NSRP1: variants seen among roughly 807,000 people sequenced by gnomAD.
NSRP1 encodes the protein coiled-coil domain containing 55.
In NSRP1, 24 loss-of-function variants were observed where a neutral mutation model predicts 54.7. That is an observed-to-expected ratio of 0.44 (90% CI 0.32 to 0.62). The LOEUF (loss-of-function observed/expected upper bound fraction) is 0.62, where lower values mean the gene tolerates loss of function less well. Ranked by LOEUF, NSRP1 falls within the 20% of genes least tolerant of loss-of-function variation. NSRP1 has a pLI of 0.06. For synonymous variants in NSRP1, 210 were observed against 213.8 expected, an observed-to-expected ratio of 0.98 and a Z score of 0.15; for missense variants, 596 against 651.2, an observed-to-expected ratio of 0.92 and a Z score of 0.92.
chr17:30,123,394 G>A (rs2071621621), intron 2 of NSRP1, among the ~76,000 whole-genome samples: 1 of 152,218 alleles, frequency 6.6e-6, no homozygotes, highest in Non-Finnish European at 1.5e-5. Flanking sequence ...GGGATTACAG[G>A]CATGAGCCAC....
intron 2 of NSRP1, among the ~76,000 whole-genome samples, chr17:30,139,851 T>C (rs923692701): frequency 6.6e-6 from 1 of 152,084 alleles, no homozygotes; most frequent in Non-Finnish European, 1.5e-5. Context: ...AGTGAAACCC[T>C]GTCTCTACTA....
intron 2 of NSRP1, among the ~76,000 whole-genome samples, chr17:30,129,728 A>C (rs1303972354): frequency 1.3e-5 from 2 of 152,172 alleles, no homozygotes; most frequent in Non-Finnish European, 2.9e-5. Flanking sequence ...CATCAGTTTT[A>C]ATCAGATAAT....
intron 2 of NSRP1, among the ~76,000 whole-genome samples, chr17:30,140,129 C>G (rs1356106821): frequency 6.6e-6 from 1 of 152,140 alleles, no homozygotes; most frequent in Non-Finnish European, 1.5e-5. Flanking sequence ...AGAGCACATA[C>G]GAGAATCCAG....
At chr17:30,177,202 C>G (rs1307762711) in intron 3 of NSRP1, among the ~76,000 whole-genome samples, 1 of 151,854 alleles carries the variant, frequency 6.6e-6, no homozygotes, top group African/African-American at 2.4e-5. Context: ...GAAACTCTGT[C>G]TCTACAAAAC....
Position 30,185,473 on chromosome 17 carries a change from T to G in NSRP1, c.1476T>G (p.Ser492=). ...GAAACCAAGAGAAACCCTCTAATTC[T>G]GAATCATCACTGGGAGCAAAACACA... is the stretch of plus-strand genomic sequence containing the variant. The part of the protein sequence containing the change: ...KERNQEKPSN[S]ESSLGAKHRL... The change falls in exon 7 of 7, where the codon TCT becomes TCG. Residue 492 remains serine, a synonymous_variant. Transcript: ENST00000247026. The G allele has an allele frequency of 6.2e-7, 1 of 1,612,094 alleles. No individual in the cohort carries two copies. Among genetic ancestry groups the G allele is most frequent in the Non-Finnish European group, 8.5e-7 (1 of 1,179,574 alleles).
At chr17:30,176,221 CTTTA>C in intron 3 of NSRP1, among the ~76,000 whole-genome samples, 1 of 151,946 alleles carries the variant, frequency 6.6e-6, no homozygotes, top group East Asian at 1.9e-4. Flanking sequence ...TCAATTTTTG[CTTTA>C]TTTATGTTGC....
chr17:30,141,257 AT>A (rs2071802873), intron 2 of NSRP1, among the ~76,000 whole-genome samples: 1 of 152,120 alleles, frequency 6.6e-6, no homozygotes, highest in Non-Finnish European at 1.5e-5. Flanking sequence ...TTTCTAAGAA[AT>A]TTATTAATAG....
intron 2 of NSRP1, among the ~76,000 whole-genome samples, chr17:30,170,353 T>C (rs1275273061): frequency 6.6e-6 from 1 of 152,206 alleles, no homozygotes; most frequent in Non-Finnish European, 1.5e-5. Flanking sequence ...TCATTTAGCA[T>C]GAATACCATA....
chr17:30,122,371 ATATATATATATATATTTTTTTTTTTTTT>A (rs2071608636), intron 2 of NSRP1: 2 of 26,928 alleles, frequency 7.4e-5, no homozygotes, highest in Non-Finnish European at 2.0e-4. Context: ...ATATATATAT[ATATATATATATATATTTTTTTTTTTTTT>A]TTTTTTTTTT....
intron 6 of NSRP1, among the ~76,000 whole-genome samples, chr17:30,181,398 C>CTTTTTTTT (rs61484398): frequency 2.5e-5 from 3 of 121,900 alleles, no homozygotes; most frequent in Non-Finnish European, 5.1e-5. Flanking sequence ...TTTCTTTTTT[C>CTTTTTTTT]TTTTTTTTTT....
Position 30,133,641 on chromosome 17 carries a change from A to G in NSRP1, c.114+15468A>G, listed in dbSNP as rs188737263. ...GCGTTGACTTCTCTTGGGCTTTGAAAGTCCTAGATGGCATCTTCTTCCAAT... is the reference window on the plus strand; with the variant it reads ...GCGTTGACTTCTCTTGGGCTTTGAAGGTCCTAGATGGCATCTTCTTCCAAT... On this transcript the variant is annotated intron_variant, in intron 2 of 6. Coordinates refer to ENST00000247026, the MANE Select transcript of NSRP1 (RefSeq NM_032141.4). Among the ~76,000 whole-genome samples, 153 of 152,328 alleles carry G rather than the reference A, an allele frequency of 1.0e-3. 2 individuals are homozygous for G. In the Middle Eastern group the frequency reaches 0.01, roughly 10 times the overall value.
chr17:30,165,569 C>G (rs934462090), intron 2 of NSRP1, among the ~76,000 whole-genome samples: 3 of 152,214 alleles, frequency 2.0e-5, no homozygotes, highest in Non-Finnish European at 4.4e-5. Flanking sequence ...GTCCTTGTAT[C>G]TTGCCATTTG....
chr17:30,180,215 CGT>C (rs1905250267), intron 5 of NSRP1, among the ~76,000 whole-genome samples: 1 of 152,046 alleles, frequency 6.6e-6, no homozygotes, highest in African/African-American at 2.4e-5. Flanking sequence ...GGAGTGCAGT[CGT>C]ATGATCTTGG....
intron 2 of NSRP1, among the ~76,000 whole-genome samples, chr17:30,155,885 G>C (rs2071957226): frequency 6.6e-6 from 1 of 151,618 alleles, no homozygotes; most frequent in South Asian, 2.1e-4. Context: ...TGTCACCCAG[G>C]CTGGAGTGCA....
At chr17:30,153,178 A>T (rs2071930412) in intron 2 of NSRP1, among the ~76,000 whole-genome samples, 1 of 151,894 alleles carries the variant, frequency 6.6e-6, no homozygotes, top group South Asian at 2.1e-4. Flanking sequence ...CAGCTTCCCA[A>T]AGTGCTGGGA....
chr17:30,181,012 GC>G lies in NSRP1; in HGVS notation c.615del (p.Arg206AspfsTer4). On this transcript the variant is annotated frameshift_variant, in exon 6 of 7. Transcript: ENST00000247026. LOFTEE classifies it low-confidence loss of function (END_TRUNC). ...AGTACCTAAATGCAGCTTTCGTGAA[GC>G]CAGGTGAGGAGACGTGTATGAAATA... ...EEVPKCSFRE[A>X]RSGIKEEKSR... 1 of 1,577,830 alleles carries G rather than the reference GC, an allele frequency of 6.3e-7. No individual in the cohort carries two copies. The highest frequency in any genetic ancestry group is 8.7e-7 in the Non-Finnish European group (1 of 1,147,100).
intron 2 of NSRP1, among the ~76,000 whole-genome samples, chr17:30,142,997 A>G (rs1003583364): frequency 5.9e-5 from 9 of 152,228 alleles, no homozygotes; most frequent in Non-Finnish European, 1.5e-5. Flanking sequence ...GACAATTTCT[A>G]ATTGGAAGAT....
At chr17:30,164,017 A>ATG (rs202218291) in intron 2 of NSRP1, among the ~76,000 whole-genome samples, 2 of 151,176 alleles carry the variant, frequency 1.3e-5, no homozygotes, top group South Asian at 2.1e-4. Flanking sequence ...TATAATGTGT[A>ATG]TGTGTGTGTG....
intron 2 of NSRP1, among the ~76,000 whole-genome samples, 161 bp downstream of exon 2, chr17:30,118,334 A>AT (rs746403309): frequency 6.6e-6 from 1 of 152,180 alleles, no homozygotes; most frequent in Non-Finnish European, 1.5e-5. Flanking sequence ...AGCTCCACCG[A>AT]TTTTTTAAAG....
Sources: allele counts gnomAD v4.1 joint callset (sites outside exome capture counted in the v4.1 genomes callset), GRCh38; gene constraint gnomAD v4.1.1; transcripts MANE v1.5; gene names NCBI Gene and HGNC (gene_info 2026-07-23, HGNC 2026-07-21).